Variants in NPAS2 observed in about 807,000 individuals in gnomAD.
NPAS2 encodes the protein neuronal PAS domain protein 2.
NPAS2 carries 23 observed loss-of-function variants against 107.5 expected under a neutral mutation model. The observed-to-expected ratio is 0.21, with a 90% CI of 0.15 to 0.30. The LOEUF (loss-of-function observed/expected upper bound fraction) is 0.30. NPAS2 is among the 10% of genes least tolerant of loss of function. The pLI, the probability that NPAS2 is intolerant of heterozygous loss-of-function variation, is 1.00. For missense variants in NPAS2, 756 were observed against 1,043.3 expected (o/e 0.72, Z 3.79); for synonymous variants, 403 against 417.5 (o/e 0.97, Z 0.42).
chr2:100,924,140 G>A (rs995771046), intron 2 of NPAS2, among the ~76,000 whole-genome samples: 18 of 152,156 alleles, frequency 1.2e-4, no homozygotes, highest in East Asian at 1.9e-4. Flanking sequence ...GACACAGAGC[G>A]TTCCCATATC....
intron 2 of NPAS2, among the ~76,000 whole-genome samples, chr2:100,920,321 TAAGTG>T (rs968407728): frequency 1.4e-4 from 21 of 152,182 alleles, no homozygotes; most frequent in African/African-American, 4.8e-4. Flanking sequence ...TCACCACAAA[TAAGTG>T]AAGTGACTGA....
At chr2:100,939,278 C>A (rs1026157092) in intron 5 of NPAS2, among the ~76,000 whole-genome samples, 2 of 152,208 alleles carry the variant, frequency 1.3e-5, no homozygotes, top group African/African-American at 2.4e-5. Flanking sequence ...TAAGCAGATG[C>A]CTTCCCAGTA....
chr2:100,853,045 T>C (rs557543112), intron 1 of NPAS2, among the ~76,000 whole-genome samples: 6 of 152,298 alleles, frequency 3.9e-5, no homozygotes, highest in African/African-American at 1.4e-4. Flanking sequence ...ACTTATCTTA[T>C]AAACTTCTAT....
chr2:100,859,207 G>A (rs993863923), intron 1 of NPAS2, among the ~76,000 whole-genome samples: 1 of 152,180 alleles, frequency 6.6e-6, no homozygotes, highest in African/African-American at 2.4e-5. Context: ...AGGTTGCAGT[G>A]AGCCGAGATC....
chr2:100,902,140 C>G (rs1212391164), intron 1 of NPAS2, among the ~76,000 whole-genome samples: 1 of 152,156 alleles, frequency 6.6e-6, no homozygotes, highest in Admixed American at 6.5e-5. Context: ...GTCATTGTCA[C>G]CCCCTAAACT....
chr2:100,937,152 C>T (rs17025005), intron 4 of NPAS2, among the ~76,000 whole-genome samples: 24,694 of 152,130 alleles, frequency 0.16, 2,145 homozygotes, highest in Middle Eastern at 0.31. Flanking sequence ...GAAATGCTTA[C>T]GGATCCAGTT....
chr2:100,977,672 C>T, intron 14 of NPAS2, 38 bp from the exon 15 acceptor site: 1 of 1,565,020 alleles, frequency 6.4e-7, no homozygotes, highest in Non-Finnish European at 8.8e-7. Flanking sequence ...CCTGGAATGG[C>T]AGAAGCAGTG....
chr2:100,860,752 A>T (rs1344913157), intron 1 of NPAS2, among the ~76,000 whole-genome samples: 1 of 151,942 alleles, frequency 6.6e-6, no homozygotes, highest in Non-Finnish European at 1.5e-5. Flanking sequence ...GGCTGGGGAG[A>T]GCTCTTTCCA....
chr2:100,897,627 T>C (rs1164974279), intron 1 of NPAS2, among the ~76,000 whole-genome samples: 1 of 152,178 alleles, frequency 6.6e-6, no homozygotes, highest in East Asian at 1.9e-4. Context: ...TCACATAGCA[T>C]CTCATCAAGG....
chr2:100,975,063 C>A, intron 13 of NPAS2, 119 bp downstream of exon 13: 1 of 1,110,404 alleles, frequency 9.0e-7, no homozygotes, highest in Non-Finnish European at 1.3e-6. Context: ...CAGAGGTTGC[C>A]GTGCAGTTTA....
chr2:100,864,016 G>A (rs762510969), intron 1 of NPAS2, among the ~76,000 whole-genome samples: 26 of 152,116 alleles, frequency 1.7e-4, no homozygotes, highest in Non-Finnish European at 2.8e-4. Context: ...CTATCATATC[G>A]AGACTGGGCT....
intron 1 of NPAS2, among the ~76,000 whole-genome samples, chr2:100,862,608 T>G (rs1679010802): frequency 6.6e-6 from 1 of 152,192 alleles, no homozygotes; most frequent in South Asian, 2.1e-4. Context: ...CCTTCCTCAG[T>G]AGACTAGAAA....
At chr2:100,827,228 G>C (rs558103414) in intron 1 of NPAS2, among the ~76,000 whole-genome samples, 1 of 152,156 alleles carries the variant, frequency 6.6e-6, no homozygotes, top group Admixed American at 6.5e-5. Flanking sequence ...ATGGTAGGCT[G>C]CCCCAAGCAT....
intron 11 of NPAS2, among the ~76,000 whole-genome samples, chr2:100,970,270 CTCT>C (rs1676462240): frequency 6.6e-6 from 1 of 152,226 alleles, no homozygotes; most frequent in Non-Finnish European, 1.5e-5. Context: ...CCTCTACCAG[CTCT>C]TCTTCTCCAT....
intron 1 of NPAS2, among the ~76,000 whole-genome samples, chr2:100,859,595 C>T (rs983833288): frequency 9.9e-5 from 15 of 152,042 alleles, no homozygotes; most frequent in Non-Finnish European, 1.5e-4. Context: ...GAACCAGTGA[C>T]GCCAGGGGAG....
At chr2:100,837,694 GT>G (rs1471589594) in intron 1 of NPAS2, among the ~76,000 whole-genome samples, 1 of 152,136 alleles carries the variant, frequency 6.6e-6, no homozygotes, top group Non-Finnish European at 1.5e-5. Flanking sequence ...AATACTTGGG[GT>G]TAGCTGCTAA....
Position 100,964,122 on chromosome 2 carries a change from A to G in NPAS2, c.663A>G (p.Gly221=). Residue 221 remains glycine, a synonymous_variant, in exon 8 of 21, where the codon GGA becomes GGG. Coordinates refer to ENST00000335681, the MANE Select transcript of NPAS2 (RefSeq NM_002518.4). ...TLSRPCRVPL[G]KEVCFIATVR... Reference sequence around the variant, plus strand: ...CAAGACCTTGCCGGGTGCCACTAGGAAAGGAGGTTTGCTTCATTGCCACCG... The same window carrying G: ...CAAGACCTTGCCGGGTGCCACTAGGGAAGGAGGTTTGCTTCATTGCCACCG... 1 of 1,614,096 alleles carries G rather than the reference A, an allele frequency of 6.2e-7. No homozygotes were observed. Among genetic ancestry groups the G allele is most frequent in the Non-Finnish European group, 8.5e-7 (1 of 1,180,012 alleles).
At chr2:100,921,788 C>T (rs1344713721) in intron 2 of NPAS2, among the ~76,000 whole-genome samples, 3 of 152,174 alleles carry the variant, frequency 2.0e-5, no homozygotes, top group Admixed American at 1.3e-4. Context: ...TCAGGTTAAA[C>T]ATACGCTTAG....
intron 1 of NPAS2, among the ~76,000 whole-genome samples, chr2:100,879,662 G>A (rs556025866): frequency 6.6e-6 from 1 of 152,152 alleles, no homozygotes; most frequent in Non-Finnish European, 1.5e-5. Context: ...TGTGGGAAAT[G>A]GCAGGACCTC....
Sources: gnomAD v4.1 joint callset for allele counts (sites outside exome capture counted in the v4.1 genomes callset) on GRCh38, gnomAD v4.1.1 for gene constraint, MANE v1.5 for transcripts, NCBI Gene and HGNC (gene_info 2026-07-23, HGNC 2026-07-21) for gene names.